NAV1: variants seen among roughly 807,000 people sequenced by gnomAD.
The protein encoded by NAV1 is neuron navigator 1.
NAV1 carries 18 observed loss-of-function variants against 175.2 expected under a neutral mutation model. That is an observed-to-expected ratio of 0.10 (90% CI 0.07 to 0.15). The LOEUF (loss-of-function observed/expected upper bound fraction) is 0.15, where lower values mean the gene tolerates loss of function less well. NAV1 is among the 10% of genes least tolerant of loss of function. NAV1 has a pLI of 1.00. For synonymous variants in NAV1, 897 were observed against 978.7 expected (o/e 0.92, Z 1.56); for missense variants, 1,731 against 2,436.6 (o/e 0.71, Z 6.10).
chr1:201,577,472 ATTTTTTTTTT>A (rs36112197), intron 1 of NAV1, among the ~76,000 whole-genome samples: 11 of 97,912 alleles, frequency 1.1e-4, no homozygotes, highest in African/African-American at 3.0e-4. Flanking sequence ...TGAGACTTAG[ATTTTTTTTTT>A]TTTTTTTTTT....
At chr1:201,809,216 C>T (rs763151219) in exon 21 of NAV1, 3 of 1,613,764 alleles carry the variant, frequency 1.9e-6, no homozygotes, top group African/African-American at 2.7e-5. Context: ...AGGAAGTGAC[C>T]CTCCGGGTGG....
intron 1 of NAV1, among the ~76,000 whole-genome samples, chr1:201,542,013 A>C (rs1293135060): frequency 6.6e-6 from 1 of 152,128 alleles, no homozygotes; most frequent in Non-Finnish European, 1.5e-5. Flanking sequence ...CTTTAAGAAA[A>C]ACCAGAATGT....
At chr1:201,659,219 G>A (rs1669517716) in intron 1 of NAV1, among the ~76,000 whole-genome samples, 1 of 152,234 alleles carries the variant, frequency 6.6e-6, no homozygotes, top group Non-Finnish European at 1.5e-5. Context: ...CATAAGTGGT[G>A]TGGTGCCACG....
chr1:201,598,111 G>A (rs1400256237), intron 2 of NAV1, among the ~76,000 whole-genome samples: 1 of 152,226 alleles, frequency 6.6e-6, no homozygotes, highest in African/African-American at 2.4e-5. Flanking sequence ...AGGTATACCT[G>A]GTGACTGAGC....
chr1:201,603,737 T>C (rs1667589151), intron 2 of NAV1, among the ~76,000 whole-genome samples: 1 of 152,024 alleles, frequency 6.6e-6, no homozygotes, highest in Non-Finnish European at 1.5e-5. Flanking sequence ...GAGGGAGAGA[T>C]TGTTATCCCC....
chr1:201,797,170 G>C (rs1463365235), intron 15 of NAV1: 2 of 152,114 alleles, frequency 1.3e-5, no homozygotes, highest in African/African-American at 2.4e-5. Context: ...GTATGAGGTA[G>C]GCAGTCTAAC....
At chr1:201,795,735 AG>A (rs1324621154) in intron 15 of NAV1, 1 of 151,000 alleles carries the variant, frequency 6.6e-6, no homozygotes, top group East Asian at 1.9e-4. Context: ...TACAATTTTT[AG>A]TACTTATTTT....
intron 1 of NAV1, among the ~76,000 whole-genome samples, chr1:201,660,210 G>A (rs1458025413): frequency 6.6e-6 from 1 of 152,228 alleles, no homozygotes; most frequent in Non-Finnish European, 1.5e-5. Context: ...TGGGGGAGCA[G>A]GCAGGCCAGT....
intron 2 of NAV1, among the ~76,000 whole-genome samples, chr1:201,635,332 A>G (rs1164669329): frequency 6.6e-6 from 1 of 152,080 alleles, no homozygotes; most frequent in Non-Finnish European, 1.5e-5. Flanking sequence ...GGCGTGAGCC[A>G]TTGCACCCAA....
Position 201,648,732 on chromosome 1 carries a change from G to C in NAV1, c.64G>C (p.Glu22Gln). ...GGAGCTGAGCAGCGGCGGCGGCGACGAGGGCGCGGACGAACCGCGGGGCGC... is the reference window on the plus strand; with the variant it reads ...GGAGCTGAGCAGCGGCGGCGGCGACCAGGGCGCGGACGAACCGCGGGGCGC... The change falls in exon 1 of 30, where the codon GAG becomes CAG. Residue 22 changes from glutamate to glutamine, a missense_variant. Around this residue, in one of 13 missense-constraint regions of NAV1, gnomAD observed 487 missense variants for 581.3 expected, o/e 0.84. Transcript: ENST00000367296. The C allele has an allele frequency of 7.1e-7, 1 of 1,413,960 alleles. No homozygotes were observed. Among genetic ancestry groups the C allele is most frequent in the Non-Finnish European group, 9.2e-7 (1 of 1,087,996 alleles). The allele number at this position is 1,413,960 out of a possible 1,614,324, so 87.6% of individuals were successfully genotyped here.
In NAV1 at chr1:201,558,546, G is replaced by A. The variant is rs574691724; in HGVS notation, c.-144+19204G>A. ...CGGCTCACTGCAACATCTGCCTCGC[G>A]GGTTCAAGCGATTCTCCTGTCTCAG... On this transcript the variant is annotated intron_variant, in intron 1 of 33. Coordinates refer to the NAV1 transcript ENST00000685211. Among the ~76,000 whole-genome samples, 10 of 152,268 alleles carry A rather than the reference G, an allele frequency of 6.6e-5. 1 individual carries two copies. The highest frequency in any genetic ancestry group is 1.2e-4 in the African/African-American group (5 of 41,538).
At chr1:201,714,357 T>A (rs907315384) in intron 2 of NAV1, among the ~76,000 whole-genome samples, 7 of 152,184 alleles carry the variant, frequency 4.6e-5, no homozygotes, top group African/African-American at 1.7e-4. Flanking sequence ...CTTGTACTAC[T>A]CCTCCCCCTA....
intron 1 of NAV1, among the ~76,000 whole-genome samples, chr1:201,677,878 C>T (rs1670316465): frequency 6.6e-6 from 1 of 152,130 alleles, no homozygotes; most frequent in Admixed American, 6.5e-5. Flanking sequence ...AGTTTGCCCA[C>T]CTCGGCTTCC....
At chr1:201,619,205 CTCCATTAGCAAGCGA>C (rs1668086274), upstream of NAV1, among the ~76,000 whole-genome samples, 1 of 152,270 alleles carries the variant, frequency 6.6e-6, no homozygotes, top group Admixed American at 6.5e-5. Context: ...ACTGCGTCTG[CTCCATTAGCAAGCGA>C]GGGAGACGCA....
At position 201,807,782 on chromosome 1, in the gene NAV1, G is replaced by A. The variant is rs115922909; in HGVS notation, c.3649-171G>A. ...CTGCCTCCACGGTCCTAATTTCTAG[G>A]CAACTCTTCTGTCCGTATTCTATGA... On this transcript the variant is annotated intron_variant, in intron 17 of 29. Coordinates refer to ENST00000367296, the Ensembl canonical transcript of NAV1. The surrounding 1 kb of genome is among the most constrained non-coding windows in gnomAD (Gnocchi z 5.4). Among the ~76,000 whole-genome samples, 1,383 of 152,092 alleles carry A rather than the reference G, an allele frequency of 9.1e-3. 11 individuals are homozygous for A. The highest frequency in any genetic ancestry group is 0.017 in the Middle Eastern group (5 of 294).
chr1:201,618,043 A>C (rs936897898), upstream of NAV1, among the ~76,000 whole-genome samples: 1 of 130,368 alleles, frequency 7.7e-6, no homozygotes, highest in Non-Finnish European at 1.5e-5. Flanking sequence ...AGGAGAGAAG[A>C]CCTGTGCAAG....
At chr1:201,647,815 G>A (rs954589929), upstream of NAV1, among the ~76,000 whole-genome samples, 1 of 151,804 alleles carries the variant, frequency 6.6e-6, no homozygotes, top group Non-Finnish European at 1.5e-5. Flanking sequence ...TCTCTCTCAG[G>A]CCCACGGGCC....
intron 15 of NAV1, chr1:201,797,747 A>G (rs1308505979): frequency 6.6e-6 from 1 of 152,248 alleles, no homozygotes; most frequent in East Asian, 1.9e-4. Flanking sequence ...ATACTGTTCT[A>G]AACTGAATTG....
At chr1:201,684,475 C>CAT (rs558357462) in intron 1 of NAV1, among the ~76,000 whole-genome samples, 2 of 127,840 alleles carry the variant, frequency 1.6e-5, no homozygotes, top group African/African-American at 5.9e-5. Context: ...TTTATGCAGC[C>CAT]TTTTTTTTTT....
Sources: allele counts gnomAD v4.1 joint callset (sites outside exome capture counted in the v4.1 genomes callset), GRCh38; gene constraint gnomAD v4.1.1; regional missense constraint gnomAD v4.1.1; non-coding constraint Gnocchi (gnomAD v3.1); transcripts MANE v1.5; gene names NCBI Gene and HGNC (gene_info 2026-07-23, HGNC 2026-07-21).